Variants in SLC38A12 observed in about 807,000 individuals in gnomAD.
SLC38A12 encodes the protein putative sodium-coupled neutral amino acid transporter 12.
chr17:74,816,100 A>G, the SLC38A12 span, among the ~76,000 whole-genome samples: 102 of 152,194 alleles, frequency 6.7e-4, no homozygotes, highest in Non-Finnish European at 1.2e-3. Flanking sequence ...TTTACTCCCT[A>G]CTGTGCTTAA....
the SLC38A12 span, among the ~76,000 whole-genome samples, chr17:74,799,335 T>C: frequency 6.6e-6 from 1 of 152,220 alleles, no homozygotes; most frequent in Admixed American, 6.5e-5. Flanking sequence ...GCGGAGCTTA[T>C]CCTGGCTGGA....
the SLC38A12 span, among the ~76,000 whole-genome samples, chr17:74,803,677 C>A: frequency 1.3e-5 from 2 of 152,182 alleles, no homozygotes; most frequent in African/African-American, 2.4e-5. Flanking sequence ...CTGGGCTGAT[C>A]CTGGCCACTG....
chr17:74,835,852 G>T, the SLC38A12 span: 1 of 1,514,458 alleles, frequency 6.6e-7, no homozygotes. Flanking sequence ...CCCCGCAAAG[G>T]CGCCCCCCAG....
chr17:74,784,052 C>A, the SLC38A12 span, among the ~76,000 whole-genome samples: 3,663 of 136,016 alleles, frequency 0.027, 130 homozygotes, highest in African/African-American at 0.087. Flanking sequence ...AAAAAAAAAA[C>A]AAAATTGATG....
At chr17:74,835,988 C>T in the SLC38A12 span, 2 of 1,611,918 alleles carry the variant, frequency 1.2e-6, no homozygotes, top group Non-Finnish European at 8.5e-7. Context: ...GGGAGGGGCA[C>T]CCGCCCCTGG....
the SLC38A12 span, among the ~76,000 whole-genome samples, chr17:74,794,578 A>G: frequency 1.3e-5 from 2 of 151,808 alleles, no homozygotes; most frequent in African/African-American, 4.8e-5. Context: ...CTTTGCTTCA[A>G]CTCTTTAGTA....
At chr17:74,838,602 G>A in the SLC38A12 span, 1 of 1,309,948 alleles carries the variant, frequency 7.6e-7, no homozygotes, top group Non-Finnish European at 9.8e-7. Flanking sequence ...GGCCAGCAGT[G>A]ACCACATCGC....
chr17:74,824,397 G>A, the SLC38A12 span, among the ~76,000 whole-genome samples: 7 of 152,290 alleles, frequency 4.6e-5, no homozygotes, highest in South Asian at 2.1e-4. Context: ...CAGGCCCAGC[G>A]CAGGGACTTC....
At chr17:74,819,768 C>G in the SLC38A12 span, 1 of 1,614,250 alleles carries the variant, frequency 6.2e-7, no homozygotes, top group Non-Finnish European at 8.5e-7. Flanking sequence ...CACTCTCCTC[C>G]TCGGACCGTT....
the SLC38A12 span, among the ~76,000 whole-genome samples, chr17:74,793,174 C>T: frequency 5.3e-5 from 8 of 152,192 alleles, no homozygotes; most frequent in Non-Finnish European, 1.5e-5. Context: ...CTCCTCTACC[C>T]TGGAGTTTCT....
chr17:74,835,535 C>G, the SLC38A12 span, among the ~76,000 whole-genome samples: 1 of 152,170 alleles, frequency 6.6e-6, no homozygotes, highest in African/African-American at 2.4e-5. Flanking sequence ...AGCCTGCTCC[C>G]TGCGAGGAAG....
chr17:74,821,325 T>TCC, the SLC38A12 span, among the ~76,000 whole-genome samples: 1 of 152,208 alleles, frequency 6.6e-6, no homozygotes, highest in Admixed American at 6.5e-5. Context: ...CACCTGTCCA[T>TCC]CCCTAGACAG....
the SLC38A12 span, among the ~76,000 whole-genome samples, chr17:74,790,038 C>T: frequency 6.6e-6 from 1 of 151,328 alleles, no homozygotes; most frequent in South Asian, 2.1e-4. Context: ...ACTGCAGCCT[C>T]GATCTCCTGG....
At chr17:74,790,807 A>G in the SLC38A12 span, 1 of 617,988 alleles carries the variant, frequency 1.6e-6, no homozygotes, top group African/African-American at 1.9e-5. Flanking sequence ...GTGTTAAACC[A>G]TGTCAAGCAG....
At chr17:74,812,681 C>T in the SLC38A12 span, among the ~76,000 whole-genome samples, 2 of 152,174 alleles carry the variant, frequency 1.3e-5, no homozygotes, top group African/African-American at 2.4e-5. Context: ...CCCCCTGCGC[C>T]CTCCTCACTC....
At chr17:74,822,663 A>G in the SLC38A12 span, among the ~76,000 whole-genome samples, 1 of 152,232 alleles carries the variant, frequency 6.6e-6, no homozygotes, top group African/African-American at 2.4e-5. Context: ...GACCTCTGGG[A>G]TTAAAAAGCA....
At chr17:74,808,558 C>T in the SLC38A12 span, among the ~76,000 whole-genome samples, 4 of 152,250 alleles carry the variant, frequency 2.6e-5, no homozygotes, top group Admixed American at 6.5e-5. Context: ...TTCCCTGCCC[C>T]GGGGCAGAGC....
chr17:74,782,273 G>A, the SLC38A12 span, among the ~76,000 whole-genome samples: 1 of 152,032 alleles, frequency 6.6e-6, no homozygotes, highest in African/African-American at 2.4e-5. Context: ...TTACTATGTT[G>A]CCCAGGCTAG....
the SLC38A12 span, chr17:74,838,890 G>T: frequency 6.5e-7 from 1 of 1,535,194 alleles, no homozygotes; most frequent in South Asian, 1.2e-5. Flanking sequence ...TTTGCAGATG[G>T]GCCCCCGGGG....
Sources: gnomAD v4.1 joint callset for allele counts (sites outside exome capture counted in the v4.1 genomes callset) on GRCh38, gnomAD v4.1.1 for gene constraint, MANE v1.5 for transcripts, NCBI Gene and HGNC (gene_info 2026-07-23, HGNC 2026-07-21) for gene names.